The following TANGO6 variants were observed in gnomAD, a reference collection of about 807,000 sequenced individuals.
TANGO6 encodes transport and golgi organization 6 homolog, also known as transport and Golgi organization protein 6 homolog.
A neutral mutation model predicts 114.2 loss-of-function variants in TANGO6; 90 were observed. The observed-to-expected ratio is 0.79, with a 90% CI of 0.66 to 0.94. The LOEUF is 0.94. Among genes scored for constraint, TANGO6 ranks in the 40% least tolerant of loss-of-function variants. The pLI is 0.00. For missense variants in TANGO6, 1,274 were observed against 1,315.3 expected (o/e 0.97, Z 0.49); for synonymous variants, 477 against 509.8 (o/e 0.94, Z 0.87).
intron 1 of TANGO6, among the ~76,000 whole-genome samples, chr16:68,846,191 A>G (rs1053477384): frequency 1.6e-4 from 24 of 151,738 alleles, no homozygotes; most frequent in African/African-American, 5.8e-4. Flanking sequence ...TGCCCGGCTA[A>G]TTTTTTGTAC....
intron 15 of TANGO6, among the ~76,000 whole-genome samples, chr16:69,007,565 T>C (rs552847208): frequency 6.6e-6 from 1 of 152,234 alleles, no homozygotes; most frequent in Non-Finnish European, 1.5e-5. Flanking sequence ...GTGCCCGGCC[T>C]GGATATGCCA....
rs924792381 is a variant in TANGO6 at position 68,960,123 on chromosome 16, G to T, written c.2702-13905G>T. Among the ~76,000 whole-genome samples, 36 of 152,018 alleles carry T rather than the reference G, an allele frequency of 2.4e-4. 1 individual carries two copies. Among genetic ancestry groups the T allele is most frequent in the Admixed American group, 2.1e-3 (32 of 15,246 alleles). The stretch of plus-strand genomic sequence containing the variant: ...ATATTTATGTGCTTTTTTACTCTTT[G>T]AAAGCTACATAAAGAAAATTAAATG... On this transcript the variant is annotated intron_variant, in intron 14 of 17. Coordinates refer to ENST00000261778, the MANE Select transcript of TANGO6 (RefSeq NM_024562.2).
chr16:69,073,100 T>G (rs1420321859), intron 17 of TANGO6, among the ~76,000 whole-genome samples: 32 of 151,656 alleles, frequency 2.1e-4, no homozygotes, highest in Non-Finnish European at 4.4e-5. Flanking sequence ...TTTCTATATA[T>G]AGAGATGCTT....
chr16:68,863,395 GT>G (rs1388450980), intron 3 of TANGO6, among the ~76,000 whole-genome samples: 1 of 152,046 alleles, frequency 6.6e-6, no homozygotes, highest in Non-Finnish European at 1.5e-5. Flanking sequence ...ATCACCTGAG[GT>G]CGTGAGTTCG....
At chr16:69,049,688 G>A (rs1054803485) in intron 17 of TANGO6, among the ~76,000 whole-genome samples, 2 of 150,778 alleles carry the variant, frequency 1.3e-5, no homozygotes, top group African/African-American at 2.4e-5. Flanking sequence ...ACCCCTCCCC[G>A]CCCAGCCTCC....
In TANGO6 at chr16:69,040,360, G is replaced by A. The variant is rs768962810; in HGVS notation, c.3047G>A (p.Arg1016His). Residue 1016 changes from arginine to histidine, a missense_variant, in exon 17 of 18, where the codon CGC (arginine) becomes CAC (histidine). Around this residue, in one of 5 missense-constraint regions of TANGO6, gnomAD observed 238 missense variants for 252.9 expected, o/e 0.94. Coordinates refer to ENST00000261778, the MANE Select transcript of TANGO6 (RefSeq NM_024562.2). ...AAAACAGATGGTGAAGTTCAAGTAC[G>A]CAGAGCTGCCATACATGTGGTTGTG... ...VAKTDGEVQV[R>H]RAAIHVVVLL... 4.3e-6 allele frequency: 7 copies of A among 1,609,314 alleles called. No homozygotes were observed. In the East Asian group the frequency reaches 6.7e-5, roughly 15 times the overall value.
chr16:69,051,650 T>C (rs2152237361), intron 17 of TANGO6, among the ~76,000 whole-genome samples: 1 of 152,108 alleles, frequency 6.6e-6, no homozygotes, highest in East Asian at 1.9e-4. Context: ...GCCATCGCAC[T>C]CCAGCCTAGT....
chr16:68,872,451 G>A (rs1285752638), intron 4 of TANGO6, among the ~76,000 whole-genome samples: 7 of 151,240 alleles, frequency 4.6e-5, no homozygotes, highest in South Asian at 4.2e-4. Context: ...ACAGGTGTGC[G>A]TCCTCATGCC....
intron 15 of TANGO6, among the ~76,000 whole-genome samples, chr16:69,017,758 C>G (rs1959325925): frequency 6.6e-6 from 1 of 152,160 alleles, no homozygotes; most frequent in Non-Finnish European, 1.5e-5. Flanking sequence ...TGCTGGTTGG[C>G]AGCAGGGCCA....
chr16:68,990,605 C>T (rs1489629366), intron 15 of TANGO6, among the ~76,000 whole-genome samples: 1 of 152,038 alleles, frequency 6.6e-6, no homozygotes, highest in African/African-American at 2.4e-5. Flanking sequence ...CAGGGTCTCA[C>T]TATGTTGCCC....
At chr16:68,991,200 G>A (rs62055820) in intron 15 of TANGO6, among the ~76,000 whole-genome samples, 3,068 of 152,298 alleles carry the variant, frequency 0.02, 60 homozygotes, top group South Asian at 0.073. Context: ...TCTGAGAGCT[G>A]AGCAGAGGAG....
intron 17 of TANGO6, among the ~76,000 whole-genome samples, chr16:69,060,396 G>T (rs532919902): frequency 6.6e-6 from 1 of 151,998 alleles, no homozygotes; most frequent in African/African-American, 2.4e-5. Flanking sequence ...TAAGAGGCCT[G>T]GCCAGCCTGG....
At chr16:68,915,263 AT>A (rs538732142) in intron 11 of TANGO6, among the ~76,000 whole-genome samples, 3 of 151,526 alleles carry the variant, frequency 2.0e-5, no homozygotes, top group Non-Finnish European at 4.4e-5. Context: ...TGCTTTATAT[AT>A]TTTTTGTTAC....
chr16:68,995,593 A>C (rs8059975), intron 15 of TANGO6, among the ~76,000 whole-genome samples: 20 of 152,014 alleles, frequency 1.3e-4, no homozygotes, highest in Admixed American at 1.3e-3. Flanking sequence ...GAAGAGGGGA[A>C]TTTTTTCTCC....
chr16:69,028,590 G>A (rs555069296), intron 16 of TANGO6, among the ~76,000 whole-genome samples: 6 of 152,004 alleles, frequency 3.9e-5, no homozygotes, highest in South Asian at 2.1e-4. Context: ...CTAAAACTGC[G>A]CCACTACACT....
At chr16:68,930,128 A>C (rs1448110291) in intron 13 of TANGO6, 110 bp from the exon 14 acceptor site, 2 of 909,706 alleles carry the variant, frequency 2.2e-6, no homozygotes, top group Non-Finnish European at 3.4e-6. Context: ...GTTTCTACCC[A>C]AGAAAAACAA....
At position 68,921,118 on chromosome 16, in the gene TANGO6, CA is replaced by C. The variant is rs374286269; in HGVS notation, c.2127+1919del. On this transcript the variant is annotated intron_variant, in intron 12 of 17. Coordinates refer to ENST00000261778, the MANE Select transcript of TANGO6 (RefSeq NM_024562.2). ...TGGGCAACAGAGCGAGACTCTGTCT[CA>C]AAAAAAAAAAAAAAAAAAAGAACTA... 7.9e-3 allele frequency among the ~76,000 whole-genome samples: 441 copies of C among 55,716 alleles called. 1 individual carries two copies. The highest frequency in any genetic ancestry group is 0.027 in the Middle Eastern group (3 of 110). The allele number at this position is 55,716 out of a possible 152,430, so 36.6% of individuals were successfully genotyped here. A position where few individuals can be genotyped will look rare whatever the true frequency, so the allele number is the denominator to read the frequency against.
At chr16:68,885,009 G>A (rs963926448) in intron 7 of TANGO6, among the ~76,000 whole-genome samples, 1 of 152,190 alleles carries the variant, frequency 6.6e-6, no homozygotes, top group Admixed American at 6.5e-5. Context: ...CAGCTGCAGT[G>A]GGAAAACAGG....
At chr16:68,929,675 T>G (rs1963215707) in intron 13 of TANGO6, among the ~76,000 whole-genome samples, 1 of 152,248 alleles carries the variant, frequency 6.6e-6, no homozygotes. Context: ...TTGATACCCC[T>G]GATAGGTTCC....
Sources: gnomAD v4.1 joint callset for allele counts (sites outside exome capture counted in the v4.1 genomes callset) on GRCh38, gnomAD v4.1.1 for gene constraint, gnomAD v4.1.1 regional missense constraint, MANE v1.5 for transcripts, NCBI Gene and HGNC (gene_info 2026-07-23, HGNC 2026-07-21) for gene names.